Variants in TRIM14 observed in about 807,000 individuals in gnomAD.
TRIM14 encodes tripartite motif-containing protein 14.
Under a neutral mutation model 44.5 loss-of-function variants are expected in TRIM14, and 28 were observed. The observed-to-expected ratio is 0.63, with a 90% CI of 0.47 to 0.86. TRIM14 has a LOEUF of 0.86. Among genes scored for constraint, TRIM14 ranks in the 40% least tolerant of loss-of-function variants. TRIM14 has a pLI of 0.00. For synonymous variants in TRIM14, 299 were observed against 269.2 expected (o/e 1.11, Z -1.08); for missense variants, 607 against 611.1 (o/e 0.99, Z 0.07).
intron 6 of TRIM14, chr9:98,077,951 T>G (rs921638624): frequency 1.9e-6 from 1 of 536,952 alleles, no homozygotes; most frequent in Non-Finnish European, 3.3e-6. Context: ...TTCCTCTGCC[T>G]CTTTAATTCA....
At chr9:98,106,092 G>A (rs1191950797) in intron 2 of TRIM14, among the ~76,000 whole-genome samples, 2 of 152,066 alleles carry the variant, frequency 1.3e-5, no homozygotes, top group Admixed American at 1.3e-4. Context: ...GCTCTGAAGG[G>A]GCACACTCAC....
the TRIM14 span, chr9:98,056,929 C>T: frequency 3.1e-6 from 5 of 1,599,632 alleles, no homozygotes; most frequent in East Asian, 9.2e-5. Flanking sequence ...GCGCATGATC[C>T]GCATGGCCAA....
In TRIM14 at chr9:98,069,934, G is replaced by A. The variant is rs59154362; in HGVS notation, c.*29-247C>T. On this transcript the variant is annotated intron_variant, in intron 6 of 6. Coordinates refer to the TRIM14 transcript ENST00000375098. ...AAATGGTGAAATCTGAATAAGATTG[G>A]TTGACTTTGTCAATGTCATTCACCC... 6.1e-4 allele frequency among the ~76,000 whole-genome samples: 93 copies of A among 152,266 alleles called. 1 individual carries two copies. The East Asian group carries it at 0.013, about 22-fold the overall frequency.
intron 2 of TRIM14, among the ~76,000 whole-genome samples, chr9:98,106,667 C>G (rs1826622040): frequency 6.6e-6 from 1 of 152,068 alleles, no homozygotes; most frequent in Non-Finnish European, 1.5e-5. Context: ...TTACAAAATG[C>G]TGATGAAAGA....
chr9:98,097,375 C>T (rs113657873), intron 3 of TRIM14, among the ~76,000 whole-genome samples: 3 of 152,146 alleles, frequency 2.0e-5, no homozygotes, highest in Non-Finnish European at 4.4e-5. Flanking sequence ...GGTTCCCCAG[C>T]CTGTCAAGCT....
chr9:98,107,365 A>G (rs1826654709), intron 2 of TRIM14, among the ~76,000 whole-genome samples: 2 of 152,206 alleles, frequency 1.3e-5, no homozygotes, highest in Admixed American at 1.3e-4. Context: ...TATTTGCAAT[A>G]GCCCTAGACT....
chr9:98,068,156 A>C (rs958776956), downstream of TRIM14, among the ~76,000 whole-genome samples: 1 of 151,978 alleles, frequency 6.6e-6, no homozygotes, highest in Non-Finnish European at 1.5e-5. Context: ...TATTTTTGAG[A>C]TAGGGTTACA....
At chr9:98,079,520 A>G (rs1829754073), downstream of TRIM14, among the ~76,000 whole-genome samples, 1 of 152,126 alleles carries the variant, frequency 6.6e-6, no homozygotes, top group Non-Finnish European at 1.5e-5. Context: ...CTTTTTACCT[A>G]AACTTTCTGT....
the TRIM14 span, among the ~76,000 whole-genome samples, chr9:98,053,474 C>G: frequency 1.3e-5 from 2 of 152,154 alleles, no homozygotes; most frequent in Non-Finnish European, 2.9e-5. Flanking sequence ...TTATATGGCT[C>G]CTAAGTCCAT....
rs1734043531 is a variant in TRIM14, at chr9:98,086,818, T to C, written c.*652A>G. The C allele has an allele frequency of 6.6e-6, 1 of 151,940 alleles. No homozygotes were observed. Among genetic ancestry groups the C allele is most frequent in the Non-Finnish European group, 1.4e-5 (1 of 69,204 alleles). 9.4% of individuals were successfully genotyped at this position (151,940 alleles called of 1,614,324 possible). On this transcript the variant is annotated 3_prime_UTR_variant, in exon 6 of 6. Transcript: ENST00000341469. ...GAATGCTAAGGTGAGGCGCTTGTAT[T>C]TTTTTTTGTTATTTCATGGAAACTC...
At chr9:98,083,665 T>C (rs1829990278), downstream of TRIM14, among the ~76,000 whole-genome samples, 3 of 152,372 alleles carry the variant, frequency 2.0e-5, no homozygotes, top group South Asian at 4.1e-4. Context: ...ACAGAGTATA[T>C]GGCCATGAAC....
chr9:98,047,090 T>TA, the TRIM14 span, among the ~76,000 whole-genome samples: 1 of 152,180 alleles, frequency 6.6e-6, no homozygotes, highest in South Asian at 2.1e-4. Context: ...ATAATTCCCA[T>TA]GTGTTGTGGG....
At chr9:98,049,974 GA>G in the TRIM14 span, among the ~76,000 whole-genome samples, 1 of 152,236 alleles carries the variant, frequency 6.6e-6, no homozygotes, top group East Asian at 1.9e-4. Flanking sequence ...GGTAGGCATA[GA>G]GACTCCAGTG....
chr9:98,064,044 A>G, the TRIM14 span, among the ~76,000 whole-genome samples: 2 of 152,198 alleles, frequency 1.3e-5, no homozygotes, highest in African/African-American at 2.4e-5. Flanking sequence ...GTTCTAAAAC[A>G]TGTGTGTCGA....
chr9:98,058,471 G>T, the TRIM14 span, among the ~76,000 whole-genome samples: 14 of 152,226 alleles, frequency 9.2e-5, no homozygotes, highest in East Asian at 3.9e-4. Flanking sequence ...ACAGTAAGGG[G>T]TTTTTTCAGT....
chr9:98,094,843 A>C lies in TRIM14; in HGVS notation c.700+24T>G, dbSNP rs374391155. ...AGGACACTAGGGGAGTTAAGGACAC[A>C]AAGTTGGTCACTCGGCGACTTACTT... On this transcript the variant is annotated intron_variant, in intron 4 of 5. Coordinates refer to ENST00000341469, the MANE Select transcript of TRIM14 (RefSeq NM_014788.4). 3 of 1,609,830 alleles carry C rather than the reference A, an allele frequency of 1.9e-6. No homozygotes were observed. The African/African-American group carries it at 4.0e-5, about 21-fold the overall frequency.
At chr9:98,108,620 C>A (rs900013452) in intron 2 of TRIM14, among the ~76,000 whole-genome samples, 7 of 151,908 alleles carry the variant, frequency 4.6e-5, no homozygotes. Context: ...CTTTCTAAAT[C>A]CTTTGGTACT....
downstream of TRIM14, among the ~76,000 whole-genome samples, chr9:98,065,483 A>ATTTTTTTTTTTTT (rs397837187): frequency 5.3e-4 from 31 of 58,634 alleles, no homozygotes; most frequent in East Asian, 8.1e-4. Context: ...TGCCCAGCTA[A>ATTTTTTTTTTTTT]TTTTTTTTTT....
At chr9:98,062,780 T>C in the TRIM14 span, among the ~76,000 whole-genome samples, 3 of 146,122 alleles carry the variant, frequency 2.1e-5, no homozygotes, top group Non-Finnish European at 4.5e-5. Flanking sequence ...TATTTCAGTT[T>C]TTTTTTTTTT....
Sources: gnomAD v4.1 joint callset for allele counts (sites outside exome capture counted in the v4.1 genomes callset) on GRCh38, gnomAD v4.1.1 for gene constraint, MANE v1.5 for transcripts, NCBI Gene and HGNC (gene_info 2026-07-23, HGNC 2026-07-21) for gene names.